KDM7A: variants seen among roughly 807,000 people sequenced by gnomAD.
KDM7A encodes lysine-specific demethylase 7A.
In KDM7A, 28 loss-of-function variants were observed where a neutral mutation model predicts 114.8. That is an observed-to-expected ratio of 0.24 (90% confidence interval 0.18 to 0.33). The LOEUF (loss-of-function observed/expected upper bound fraction) is 0.33, where lower values mean the gene tolerates loss of function less well. Among genes scored for constraint, KDM7A ranks in the 10% least tolerant of loss-of-function variants. KDM7A has a pLI of 1.00. For missense variants in KDM7A, 942 were observed against 1,142.5 expected (o/e 0.82, Z 2.53); for synonymous variants, 423 against 397.8 (o/e 1.06, Z -0.75).
At chr7:140,124,591 G>A in intron 7 of KDM7A, 30 bp downstream of exon 7, 2 of 1,561,844 alleles carry the variant, frequency 1.3e-6, no homozygotes, top group Non-Finnish European at 1.7e-6. Context: ...TATCAATCAT[G>A]TTGAGTAGGG....
chr7:140,156,621 G>A (rs1794460925), intron 1 of KDM7A, among the ~76,000 whole-genome samples: 1 of 152,294 alleles, frequency 6.6e-6, no homozygotes, highest in South Asian at 2.1e-4. Flanking sequence ...CCACCCAAAG[G>A]GAGAGAGGAA....
At chr7:140,100,715 T>TATATATATATATATATATATACAC (rs1562946073) in intron 12 of KDM7A, among the ~76,000 whole-genome samples, 14 of 49,058 alleles carry the variant, frequency 2.9e-4, no homozygotes, top group South Asian at 7.2e-4. Flanking sequence ...TATACACATA[T>TATATATATATATATATATATACAC]ATATATATAT....
intron 9 of KDM7A, among the ~76,000 whole-genome samples, chr7:140,114,379 G>A (rs866368276): frequency 0.02 from 3,083 of 151,536 alleles, 87 homozygotes; most frequent in African/African-American, 0.071. Flanking sequence ...TGTGTTGGCC[G>A]GGCTGGTCTC....
At chr7:140,100,701 T>TAC (rs1818197333) in intron 12 of KDM7A, among the ~76,000 whole-genome samples, 6 of 36,468 alleles carry the variant, frequency 1.6e-4, no homozygotes, top group Non-Finnish European at 3.6e-4. Flanking sequence ...TATATATATA[T>TAC]ATATATACAC....
At chr7:140,172,709 T>C (rs1249294537) in intron 1 of KDM7A, among the ~76,000 whole-genome samples, 1 of 151,926 alleles carries the variant, frequency 6.6e-6, no homozygotes, top group Non-Finnish European at 1.5e-5. Flanking sequence ...TTTTCAAATA[T>C]ATTGTACTTC....
chr7:140,110,146 A>AC (rs1818409193), intron 11 of KDM7A, among the ~76,000 whole-genome samples: 1 of 124,800 alleles, frequency 8.0e-6, no homozygotes, highest in Admixed American at 8.2e-5. Flanking sequence ...CTCCCATTTA[A>AC]CTACTGTTTT....
In KDM7A at chr7:140,131,183, T is replaced by C. The variant is rs561465369; in HGVS notation, c.399-1530A>G. On this transcript the variant is annotated intron_variant, in intron 3 of 19. Coordinates refer to ENST00000397560, the MANE Select transcript of KDM7A (RefSeq NM_030647.2). Reference sequence around the variant, plus strand: ...CGCCAGGCCTAGTAAGTCTTAATACTAGGTAGTAACTTTAAGCCAAGAATG... The same window carrying C: ...CGCCAGGCCTAGTAAGTCTTAATACCAGGTAGTAACTTTAAGCCAAGAATG... Among the ~76,000 whole-genome samples, 5 of 152,178 alleles carry C rather than the reference T, an allele frequency of 3.3e-5. No homozygotes were observed. The South Asian group carries it at 1.0e-3, about 32-fold the overall frequency.
In KDM7A at chr7:140,097,527, A is replaced by G; in HGVS notation, c.2016+18T>C. 1 of 1,350,172 alleles carries G rather than the reference A, an allele frequency of 7.4e-7. No individual in the cohort carries two copies. The highest frequency in any genetic ancestry group is 1.8e-4 in the Middle Eastern group (1 of 5,506). 83.6% of individuals were successfully genotyped at this position (1,350,172 alleles called of 1,614,324 possible). On this transcript the variant is annotated intron_variant, in intron 15 of 19. Transcript: ENST00000397560. ...CTTTCCATCAAATAACGTACAAGCC[A>G]TGGGGTCTCAGGCGTACCAGTGCAG... is the stretch of plus-strand genomic sequence containing the variant.
At chr7:140,162,996 CTTT>C (rs531552532) in intron 1 of KDM7A, among the ~76,000 whole-genome samples, 14 of 137,616 alleles carry the variant, frequency 1.0e-4, no homozygotes, top group Non-Finnish European at 9.5e-5. Context: ...CTTTTCTTTC[CTTT>C]TTTTTTTTTT....
chr7:140,137,152 A>G (rs555804540), intron 2 of KDM7A, among the ~76,000 whole-genome samples: 1 of 152,240 alleles, frequency 6.6e-6, no homozygotes, highest in East Asian at 1.9e-4. Flanking sequence ...TTTCCCTGTA[A>G]GTACACAGAG....
intron 2 of KDM7A, among the ~76,000 whole-genome samples, chr7:140,135,900 TAAAA>T (rs1818862726): frequency 8.2e-6 from 1 of 122,040 alleles, no homozygotes; most frequent in African/African-American, 3.1e-5. Context: ...CATCAGTACT[TAAAA>T]GAAAAAAAAA....
intron 1 of KDM7A, among the ~76,000 whole-genome samples, chr7:140,173,650 T>C (rs968694846): frequency 1.3e-5 from 2 of 152,200 alleles, no homozygotes; most frequent in Non-Finnish European, 2.9e-5. Context: ...CCTCTACAGA[T>C]GGACCACCTC....
intron 1 of KDM7A, among the ~76,000 whole-genome samples, chr7:140,153,907 T>C (rs890865850): frequency 6.6e-6 from 1 of 152,190 alleles, no homozygotes; most frequent in Non-Finnish European, 1.5e-5. Context: ...ATTTTGCTAA[T>C]AGGTCATGTA....
chr7:140,150,179 C>T (rs1183944525), intron 1 of KDM7A, among the ~76,000 whole-genome samples: 1 of 152,176 alleles, frequency 6.6e-6, no homozygotes, highest in Non-Finnish European at 1.5e-5. Context: ...GCTTTGACCA[C>T]CACACAGGGT....
chr7:140,132,728 T>C (rs1818808044), intron 3 of KDM7A, among the ~76,000 whole-genome samples: 1 of 152,234 alleles, frequency 6.6e-6, no homozygotes, highest in Admixed American at 6.5e-5. Context: ...CAGTAGATAC[T>C]TACCATTATA....
At position 140,096,685 on chromosome 7, in the gene KDM7A, C is replaced by T. The variant is rs748787338; in HGVS notation, c.2244G>A (p.Thr748=). 13 of 1,613,972 alleles carry T rather than the reference C, an allele frequency of 8.1e-6. No homozygotes were observed. Among genetic ancestry groups the T allele is most frequent in the Non-Finnish European group, 9.3e-6 (11 of 1,180,016 alleles). The change falls in exon 17 of 20, where the codon ACG becomes ACA. Residue 748 remains threonine (T), a synonymous_variant. Transcript: ENST00000397560. ...TGCTTTGTATTTGCCTTTGTAAACACGTGGAATAGTGCAACCCTGCCATAG... is the reference window on the plus strand; with the variant it reads ...TGCTTTGTATTTGCCTTTGTAAACATGTGGAATAGTGCAACCCTGCCATAG... ...MLSMAGLHYS[T]CLQRQIQSTD...
intron 11 of KDM7A, among the ~76,000 whole-genome samples, chr7:140,108,043 C>T (rs1818368565): frequency 6.6e-6 from 1 of 152,156 alleles, no homozygotes. Flanking sequence ...CACTGATACC[C>T]TTTCTTCCAC....
At chr7:140,101,159 C>G (rs1167445652) in intron 12 of KDM7A, among the ~76,000 whole-genome samples, 1 of 152,036 alleles carries the variant, frequency 6.6e-6, no homozygotes, top group Non-Finnish European at 1.5e-5. Context: ...AAAATGGCTG[C>G]TTATCCTCTT....
At chr7:140,142,679 A>G (rs937813006) in intron 1 of KDM7A, among the ~76,000 whole-genome samples, 1 of 152,178 alleles carries the variant, frequency 6.6e-6, no homozygotes, top group African/African-American at 2.4e-5. Context: ...GCCATTGTGG[A>G]AAACAATTCT....
Sources: gnomAD v4.1 joint callset for allele counts (sites outside exome capture counted in the v4.1 genomes callset) on GRCh38, gnomAD v4.1.1 for gene constraint, MANE v1.5 for transcripts, NCBI Gene and HGNC (gene_info 2026-07-23, HGNC 2026-07-21) for gene names.